Variants in ATXN7 observed in about 807,000 individuals in gnomAD.
The protein encoded by ATXN7 is ataxin 7.
A neutral mutation model predicts 70.5 loss-of-function variants in ATXN7; 12 were observed. The ratio of observed to expected loss-of-function variants is 0.17; its 90% CI spans 0.11 to 0.28. ATXN7 has a LOEUF of 0.28. Ranked by LOEUF, ATXN7 falls within the 10% of genes least tolerant of loss-of-function variation. The pLI, the probability that ATXN7 is intolerant of heterozygous loss-of-function variation, is 1.00. For synonymous variants in ATXN7, 498 were observed against 448.7 expected (o/e 1.11, Z -1.39); for missense variants, 1,256 against 1,131.7 (o/e 1.11, Z -1.58).
intron 2 of ATXN7, chr3:63,905,767 C>T (rs1398029035): frequency 1.3e-5 from 2 of 152,086 alleles, no homozygotes; most frequent in Non-Finnish European, 2.9e-5. Flanking sequence ...TTGATGTAGA[C>T]GTGGGGGCAT....
At chr3:63,881,539 T>C (rs1366399455) in intron 1 of ATXN7, among the ~76,000 whole-genome samples, 3 of 148,776 alleles carry the variant, frequency 2.0e-5, no homozygotes, top group African/African-American at 7.5e-5. Context: ...CCTGGGCTGG[T>C]GTGCAGTGGT....
intron 4 of ATXN7, among the ~76,000 whole-genome samples, chr3:63,927,977 G>T (rs66490742): frequency 6.6e-6 from 1 of 152,110 alleles, no homozygotes; most frequent in Non-Finnish European, 1.5e-5. Flanking sequence ...AATCTGTGTT[G>T]TGTGAGTTTA....
At chr3:63,929,767 A>G (rs1038660627) in intron 4 of ATXN7, among the ~76,000 whole-genome samples, 1 of 151,922 alleles carries the variant, frequency 6.6e-6, no homozygotes, top group African/African-American at 2.4e-5. Context: ...TTCATCAGAT[A>G]TTTTCTTTAG....
At chr3:63,984,247 A>T (rs538254631) in intron 8 of ATXN7, among the ~76,000 whole-genome samples, 6 of 152,266 alleles carry the variant, frequency 3.9e-5, no homozygotes, top group African/African-American at 1.4e-4. Context: ...CCGAGAATAA[A>T]ATAGTGCATA....
intron 12 of ATXN7, chr3:63,998,651 G>A: frequency 2.0e-6 from 2 of 985,396 alleles, no homozygotes; most frequent in South Asian, 4.7e-5. Flanking sequence ...TGGGGCAAGA[G>A]CAGGGGTGCT....
Position 63,996,426 on chromosome 3 carries a change from A to G in ATXN7, c.2604A>G (p.Lys868=). The change falls in exon 12 of 13, where the codon AAA becomes AAG. Residue 868 remains lysine, a synonymous_variant. Coordinates refer to ENST00000674280, the MANE Select transcript of ATXN7 (RefSeq NM_001377405.1). The part of the protein sequence containing the change: ...KVPAVNNVHM[K]HTGTIPGAQG... ...CAGCCGTGAACAATGTCCACATGAA[A>G]CACACAGGCACCATCCCAGGGGCAC... 6.2e-7 allele frequency: 1 copy of G among 1,614,178 alleles called. No individual in the cohort carries two copies. The highest frequency in any genetic ancestry group is 1.3e-5 in the African/African-American group (1 of 75,044).
chr3:63,889,887 T>G (rs1703203923), intron 1 of ATXN7, among the ~76,000 whole-genome samples: 1 of 152,218 alleles, frequency 6.6e-6, no homozygotes, highest in Non-Finnish European at 1.5e-5. Flanking sequence ...TTCCTCCCAG[T>G]TGGGAAAATA....
At chr3:63,912,411 A>G (rs1471693199) in intron 2 of ATXN7, among the ~76,000 whole-genome samples, 177 bp from the exon 3 acceptor site, 3 of 149,232 alleles carry the variant, frequency 2.0e-5, no homozygotes, top group Non-Finnish European at 4.5e-5. Flanking sequence ...GCGGACTTTG[A>G]GCCCGGGGCG....
chr3:63,924,793 T>G (rs1465899710), intron 4 of ATXN7, among the ~76,000 whole-genome samples: 2 of 152,168 alleles, frequency 1.3e-5, no homozygotes, highest in African/African-American at 4.8e-5. Flanking sequence ...GGACAGCTTT[T>G]TAAAGGGTTT....
rs2075843104 is a variant in ATXN7 at position 64,002,456 on chromosome 3, C to CTTTTCTTTTGT, written c.*2991_*3001dup. 3 of 152,146 alleles carry CTTTTCTTTTGT rather than the reference C, an allele frequency of 2.0e-5. No homozygotes were observed. Among genetic ancestry groups the CTTTTCTTTTGT allele is most frequent in the African/African-American group, 7.2e-5 (3 of 41,416 alleles). 9.4% of individuals were successfully genotyped at this position (152,146 alleles called of 1,614,324 possible). A position where few individuals can be genotyped will look rare whatever the true frequency, so the allele number is the denominator to read the frequency against. ...CTACATGTAACTAAGTGACACACTGCTTTTCTTTTGTTAGTATTTTATGTG... is the reference window on the plus strand; with the variant it reads ...CTACATGTAACTAAGTGACACACTGCTTTTCTTTTGTTTTTCTTTTGTTAGTATTTTATGTG... On this transcript the variant is annotated 3_prime_UTR_variant, in exon 13 of 13. Transcript: ENST00000674280.
At chr3:63,871,874 A>AAAC (rs1388814635) in intron 1 of ATXN7, among the ~76,000 whole-genome samples, 5 of 152,044 alleles carry the variant, frequency 3.3e-5, no homozygotes, top group Non-Finnish European at 7.4e-5. Flanking sequence ...TAAAAAAAAA[A>AAAC]CAGATTATAA....
chr3:63,974,151 C>T (rs1476626214), intron 5 of ATXN7, among the ~76,000 whole-genome samples: 1 of 152,110 alleles, frequency 6.6e-6, no homozygotes, highest in Non-Finnish European at 1.5e-5. Flanking sequence ...TGCTTTAAGA[C>T]CCTCCAAGCA....
chr3:63,863,751 T>G, upstream of ATXN7: 1 of 1,249,960 alleles, frequency 8.0e-7, no homozygotes, highest in Non-Finnish European at 1.0e-6. Flanking sequence ...CGGGCGCGTG[T>G]GGCGGCGAGC....
rs192216145 is a variant in ATXN7 at position 63,950,362 on chromosome 3, G to A, written c.395-2017G>A. Reference sequence around the variant, plus strand: ...TTTAAGCAACAGTGCTTTACATTCAGAACTGAGGGAAATCACAGAGACCAC... The same window carrying A: ...TTTAAGCAACAGTGCTTTACATTCAAAACTGAGGGAAATCACAGAGACCAC... On this transcript the variant is annotated intron_variant, in intron 4 of 12. Transcript: ENST00000674280. Among the ~76,000 whole-genome samples, 147 of 152,266 alleles carry A rather than the reference G, an allele frequency of 9.7e-4. 1 individual carries two copies. The Middle Eastern group carries it at 0.014, about 14-fold the overall frequency.
intron 1 of ATXN7, among the ~76,000 whole-genome samples, chr3:63,893,307 T>C (rs1559622415): frequency 6.6e-6 from 1 of 152,196 alleles, no homozygotes; most frequent in Non-Finnish European, 1.5e-5. Flanking sequence ...GAATTTTATA[T>C]TTTACTTTTA....
intron 5 of ATXN7, among the ~76,000 whole-genome samples, chr3:63,954,715 T>TG (rs1301212446): frequency 1.3e-5 from 2 of 148,782 alleles, no homozygotes; most frequent in African/African-American, 2.5e-5. Flanking sequence ...TTTTTTGTTT[T>TG]TTTTTTTTTT....
At chr3:63,871,297 T>G (rs1031092416) in intron 1 of ATXN7, among the ~76,000 whole-genome samples, 3 of 152,188 alleles carry the variant, frequency 2.0e-5, no homozygotes, top group Non-Finnish European at 4.4e-5. Flanking sequence ...TTTAAAAAAT[T>G]GTTTGCCATT....
At chr3:63,869,329 C>G (rs573748504) in intron 1 of ATXN7, among the ~76,000 whole-genome samples, 18 of 152,304 alleles carry the variant, frequency 1.2e-4, no homozygotes, top group Admixed American at 1.1e-3. Flanking sequence ...TTGCTTACTC[C>G]TAGGCTCCTA....
intron 5 of ATXN7, among the ~76,000 whole-genome samples, chr3:63,969,749 A>G (rs17069571): frequency 0.055 from 8,443 of 152,294 alleles, 600 homozygotes; most frequent in African/African-American, 0.17. Flanking sequence ...TACAGATAGT[A>G]TAACAAATTG....
Sources: gnomAD v4.1 joint callset for allele counts (sites outside exome capture counted in the v4.1 genomes callset) on GRCh38, gnomAD v4.1.1 for gene constraint, MANE v1.5 for transcripts, NCBI Gene and HGNC (gene_info 2026-07-23, HGNC 2026-07-21) for gene names.